The following PSMD9 variants were observed in gnomAD, a reference collection of about 807,000 sequenced individuals.
The protein encoded by PSMD9 is 26S proteasome non-ATPase regulatory subunit 9.
PSMD9 carries 26 observed loss-of-function variants against 25.9 expected under a neutral mutation model. The ratio of observed to expected loss-of-function variants is 1.00; its 90% CI spans 0.73 to 1.39. The LOEUF (loss-of-function observed/expected upper bound fraction) is 1.39. Among genes scored for constraint, PSMD9 ranks in the 40% most tolerant of loss-of-function variants. The pLI is 0.00. For synonymous variants in PSMD9, 110 were observed against 114.5 expected (o/e 0.96, Z 0.25); for missense variants, 303 against 299.3 (o/e 1.01, Z -0.09).
chr12:121,914,901 GA>G (rs1172194746), intron 4 of PSMD9: 1 of 152,080 alleles, frequency 6.6e-6, no homozygotes, highest in African/African-American at 2.4e-5. Flanking sequence ...TAATGATATG[GA>G]AATATATAAA....
At chr12:121,893,329 A>G (rs979714028) in intron 1 of PSMD9, among the ~76,000 whole-genome samples, 2 of 152,180 alleles carry the variant, frequency 1.3e-5, no homozygotes, top group African/African-American at 4.8e-5. Context: ...TGTAACCCGG[A>G]GGCTTCCAGA....
rs369086059 is a variant in PSMD9, at chr12:121,915,929, G to C, written c.629G>C (p.Gly210Ala). Residue 210 changes from glycine to alanine, a missense_variant, in exon 5 of 6, where the codon GGA becomes GCA. Transcript: ENST00000541212. ...AGACTTGTTCCAACACGCTGGGCAG[G>C]AAAAGGACTGCTGGGGTAAAGTATC... ...QLRLVPTRWAGKGLLGCNIIP... is the reference protein window; with the variant it reads ...QLRLVPTRWAAKGLLGCNIIP... The C allele has an allele frequency of 9.2e-5, 149 of 1,613,674 alleles. No homozygotes were observed. The highest frequency in any genetic ancestry group is 1.2e-4 in the Non-Finnish European group (146 of 1,179,884).
At chr12:121,913,093 A>C (rs573695169) in intron 4 of PSMD9, among the ~76,000 whole-genome samples, 76 of 151,798 alleles carry the variant, frequency 5.0e-4, no homozygotes, top group South Asian at 2.1e-3. Context: ...TCCACCACCA[A>C]GCCTGGCTAA....
intron 3 of PSMD9, among the ~76,000 whole-genome samples, chr12:121,900,461 C>T (rs537951352): frequency 2.1e-4 from 31 of 150,848 alleles, no homozygotes; most frequent in Non-Finnish European, 3.8e-4. Flanking sequence ...GAGGCCGAGG[C>T]CAGTGGATCA....
intron 4 of PSMD9, among the ~76,000 whole-genome samples, chr12:121,904,639 T>TTTA (rs71082909): frequency 0.025 from 3,458 of 138,896 alleles, 146 homozygotes; most frequent in African/African-American, 0.073. Flanking sequence ...CCATCTGAAA[T>TTTA]TTATTATTAT....
At chr12:121,895,500 C>T (rs1879204854) in intron 2 of PSMD9, among the ~76,000 whole-genome samples, 1 of 152,118 alleles carries the variant, frequency 6.6e-6, no homozygotes, top group Admixed American at 6.6e-5. Context: ...ATAAGAAGTC[C>T]AGATGGGTCT....
At chr12:121,902,921 C>T in intron 3 of PSMD9, 85 bp from the exon 4 acceptor site, 1 of 1,084,294 alleles carries the variant, frequency 9.2e-7, no homozygotes, top group Non-Finnish European at 1.4e-6. Flanking sequence ...GTGACCTTGG[C>T]ATTAAATTGG....
chr12:121,891,822 C>T (rs538675424), intron 1 of PSMD9, among the ~76,000 whole-genome samples: 7 of 147,532 alleles, frequency 4.7e-5, no homozygotes, highest in African/African-American at 1.7e-4. Flanking sequence ...AAGAGAATCA[C>T]TTGAACCTGG....
intron 4 of PSMD9, among the ~76,000 whole-genome samples, chr12:121,904,717 G>A (rs1380866850): frequency 6.8e-6 from 1 of 146,036 alleles, no homozygotes; most frequent in Non-Finnish European, 1.5e-5. Flanking sequence ...GAGTGCAGTG[G>A]TGCGATCTTG....
At chr12:121,889,089 C>A in intron 1 of PSMD9, 95 bp downstream of exon 1, 2 of 1,462,184 alleles carry the variant, frequency 1.4e-6, no homozygotes, top group Non-Finnish European at 1.8e-6. Flanking sequence ...GGGCGCTCCG[C>A]AACGGATCTC....
intron 2 of PSMD9, 151 bp downstream of exon 2, chr12:121,894,992 A>AATGGGCTAG: frequency 1.5e-6 from 1 of 668,494 alleles, no homozygotes; most frequent in Non-Finnish European, 2.6e-6. Flanking sequence ...GAACCAAGGG[A>AATGGGCTAG]ATGGGCTAGA....
chr12:121,894,599 C>T (rs957253536), intron 1 of PSMD9, 140 bp from the exon 2 acceptor site: 2 of 699,398 alleles, frequency 2.9e-6, no homozygotes, highest in Non-Finnish European at 5.0e-6. Flanking sequence ...ATGAGTAGAG[C>T]CCCTGGTGTA....
At chr12:121,915,422 A>G (rs151221413) in intron 4 of PSMD9, 250 of 157,962 alleles carry the variant, frequency 1.6e-3, no homozygotes, top group Admixed American at 2.8e-3. Context: ...TCTGTACTGT[A>G]TTTGAACAAT....
intron 4 of PSMD9, among the ~76,000 whole-genome samples, chr12:121,903,734 G>A (rs1053499825): frequency 2.0e-5 from 3 of 147,134 alleles, no homozygotes; most frequent in African/African-American, 7.6e-5. Context: ...ATTTAACAAG[G>A]TTTCTTAGAG....
chr12:121,901,761 C>T lies in PSMD9; in HGVS notation c.454-1245C>T, dbSNP rs535195347. Among the ~76,000 whole-genome samples, 715 of 147,708 alleles carry T rather than the reference C, an allele frequency of 4.8e-3. 3 individuals are homozygous for T. Among genetic ancestry groups the T allele is most frequent in the Middle Eastern group, 0.036 (10 of 280 alleles). Reference sequence around the variant, plus strand: ...CACGATCTCGGCTCACTGCAAGCTCCGCCTCCCAGGTTCACGCCATTCTCC... The same window carrying T: ...CACGATCTCGGCTCACTGCAAGCTCTGCCTCCCAGGTTCACGCCATTCTCC... On this transcript the variant is annotated intron_variant, in intron 3 of 5. Transcript: ENST00000541212.
chr12:121,894,724 G>A lies in PSMD9; in HGVS notation c.139-15G>A, dbSNP rs780419744. On this transcript the variant is annotated splice_polypyrimidine_tract_variant and intron_variant, in intron 1 of 5. Transcript: ENST00000541212. Reference sequence around the variant, plus strand: ...ACACCCATGAGCACCTTTTAACCACGTTTCTTTCCTCCAGCAAAAAGGCAT... The same window carrying A: ...ACACCCATGAGCACCTTTTAACCACATTTCTTTCCTCCAGCAAAAAGGCAT... 107 of 1,612,502 alleles carry A rather than the reference G, an allele frequency of 6.6e-5. No individual in the cohort carries two copies. The South Asian group carries it at 9.9e-4, about 15-fold the overall frequency.
At chr12:121,909,710 C>T (rs1298995209) in intron 4 of PSMD9, among the ~76,000 whole-genome samples, 2 of 152,238 alleles carry the variant, frequency 1.3e-5, no homozygotes. Context: ...AATTCCTTGT[C>T]GGCACATTTG....
intron 1 of PSMD9, among the ~76,000 whole-genome samples, chr12:121,892,893 A>G (rs896352782): frequency 6.6e-6 from 1 of 152,128 alleles, no homozygotes; most frequent in African/African-American, 2.4e-5. Flanking sequence ...CACAAAAGCC[A>G]TTACCTTTTA....
chr12:121,905,279 G>A (rs1375246695), intron 4 of PSMD9, among the ~76,000 whole-genome samples: 1 of 150,238 alleles, frequency 6.7e-6, no homozygotes, highest in African/African-American at 2.5e-5. Context: ...GAGTGCAGTG[G>A]TGCAGTCTCG....
Sources: allele counts gnomAD v4.1 joint callset (sites outside exome capture counted in the v4.1 genomes callset), GRCh38; gene constraint gnomAD v4.1.1; transcripts MANE v1.5; gene names NCBI Gene and HGNC (gene_info 2026-07-23, HGNC 2026-07-21).